Variants in ACACA observed in about 807,000 individuals in gnomAD.
The protein encoded by ACACA is acetyl-CoA carboxylase 1.
Under a neutral mutation model 296.1 loss-of-function variants are expected in ACACA, and 103 were observed. The observed-to-expected ratio is 0.35, with a 90% CI of 0.30 to 0.41. ACACA has a LOEUF of 0.41. Among genes scored for constraint, ACACA ranks in the 10% least tolerant of loss-of-function variants. The pLI is 1.00. For missense variants in ACACA, 1,554 were observed against 2,989.7 expected (o/e 0.52, Z 11.20); for synonymous variants, 953 against 1,038.6 (o/e 0.92, Z 1.58).
chr17:37,373,953 T>C (rs189864278), intron 1 of ACACA, among the ~76,000 whole-genome samples: 2 of 152,038 alleles, frequency 1.3e-5, no homozygotes, highest in Non-Finnish European at 1.5e-5. Context: ...GGCAAGAGGG[T>C]GGGGAGGATG....
intron 29 of ACACA, among the ~76,000 whole-genome samples, chr17:37,216,216 A>G (rs1361700621): frequency 2.7e-5 from 4 of 150,172 alleles, no homozygotes; most frequent in African/African-American, 7.4e-5. Context: ...GTGTATATAT[A>G]TATATATATA....
At chr17:37,125,293 C>T (rs2143173090) in intron 48 of ACACA, among the ~76,000 whole-genome samples, 1 of 151,888 alleles carries the variant, frequency 6.6e-6, no homozygotes, top group East Asian at 1.9e-4. Context: ...AATCTCGGTG[C>T]CACGAAGAAC....
rs1286415184 is a variant in ACACA at position 37,178,265 on chromosome 17, C to T, written c.5079+995G>A. On this transcript the variant is annotated intron_variant, in intron 41 of 55. Transcript: ENST00000616317. ...TTTATATCACTATTCATAGGTTACT[C>T]TGAGAGAAAGGATGCCAAGGCTAGA... is the stretch of plus-strand genomic sequence containing the variant. Among the ~76,000 whole-genome samples the T allele has an allele frequency of 2.0e-5, 3 of 152,220 alleles. No individual in the cohort carries two copies. In the East Asian group the frequency reaches 5.8e-4, roughly 29 times the overall value.
chr17:37,324,337 GC>G (rs1483206049), intron 3 of ACACA, among the ~76,000 whole-genome samples: 2 of 151,520 alleles, frequency 1.3e-5, no homozygotes, highest in African/African-American at 4.9e-5. Flanking sequence ...CTGCACTCTG[GC>G]CTGGGCAACA....
At chr17:37,171,236 C>A (rs1460294685) in intron 41 of ACACA, among the ~76,000 whole-genome samples, 1 of 152,054 alleles carries the variant, frequency 6.6e-6, no homozygotes, top group Non-Finnish European at 1.5e-5. Flanking sequence ...AGATGACTAC[C>A]CTGCAAGGCC....
intron 29 of ACACA, among the ~76,000 whole-genome samples, chr17:37,215,297 C>T (rs2078932098): frequency 6.6e-6 from 1 of 152,146 alleles, no homozygotes; most frequent in African/African-American, 2.4e-5. Context: ...CCAATAGGTC[C>T]TCACCCATTA....
chr17:37,219,451 G>T (rs2079180874), intron 29 of ACACA, among the ~76,000 whole-genome samples: 1 of 152,066 alleles, frequency 6.6e-6, no homozygotes, highest in Non-Finnish European at 1.5e-5. Context: ...TTTGTAGCCA[G>T]TTGGTCAGAA....
intron 11 of ACACA, among the ~76,000 whole-genome samples, chr17:37,260,921 G>T (rs957219024): frequency 2.0e-5 from 3 of 152,056 alleles, no homozygotes; most frequent in African/African-American, 7.2e-5. Context: ...TGTTATAGCA[G>T]TTTAACCTGT....
chr17:37,181,426 T>C, intron 39 of ACACA, 70 bp from the exon 40 acceptor site: 1 of 1,542,502 alleles, frequency 6.5e-7, no homozygotes, highest in Non-Finnish European at 8.9e-7. Flanking sequence ...TAGAGGGGCT[T>C]TTTTTGCACA....
intron 1 of ACACA, among the ~76,000 whole-genome samples, chr17:37,375,608 A>G (rs1175519073): frequency 6.6e-6 from 1 of 152,196 alleles, no homozygotes; most frequent in Non-Finnish European, 1.5e-5. Context: ...CTAGAACTCA[A>G]TTGTACTGAC....
chr17:37,288,850 A>G (rs1023353605), intron 3 of ACACA, among the ~76,000 whole-genome samples: 1 of 152,014 alleles, frequency 6.6e-6, no homozygotes, highest in African/African-American at 2.4e-5. Context: ...GTAAGCTATG[A>G]TCACACCACT....
chr17:37,102,228 G>A (rs532516157), intron 52 of ACACA, among the ~76,000 whole-genome samples: 3 of 129,318 alleles, frequency 2.3e-5, no homozygotes, highest in Admixed American at 9.2e-5. Flanking sequence ...TTTTTGAGAC[G>A]GAGTCTTGCT....
intron 29 of ACACA, among the ~76,000 whole-genome samples, chr17:37,220,740 CA>C (rs1310914247): frequency 6.6e-6 from 1 of 152,312 alleles, no homozygotes; most frequent in Admixed American, 6.5e-5. Context: ...TCTGCTGGAT[CA>C]ACAGTGGCAT....
At chr17:37,100,442 A>T (rs1275955304) in intron 52 of ACACA, among the ~76,000 whole-genome samples, 1 of 152,170 alleles carries the variant, frequency 6.6e-6, no homozygotes, top group East Asian at 1.9e-4. Flanking sequence ...CTGCCCAAAA[A>T]GCAGAATCGA....
intron 3 of ACACA, among the ~76,000 whole-genome samples, chr17:37,324,494 AC>A (rs1262877258): frequency 6.6e-6 from 1 of 150,766 alleles, no homozygotes; most frequent in African/African-American, 2.4e-5. Flanking sequence ...ACATGGAGAA[AC>A]CCCATCTCTA....
Position 37,253,016 on chromosome 17 carries a change from T to C in ACACA, c.1847A>G (p.Lys616Arg). ...AAAGTCACCCCGAATAGACAGCTCC[T>C]TCAAAGCCACCACCATGTTTCTGGG... ...EAISNMVVAL[K>R]ELSIRGDFRT... The change falls in exon 15 of 56, where the codon AAG (lysine) becomes AGG (arginine). Residue 616 changes from lysine (K) to arginine (R), a missense_variant. Coordinates refer to ENST00000616317, the MANE Select transcript of ACACA (RefSeq NM_198834.3). The C allele has an allele frequency of 6.2e-7, 1 of 1,614,212 alleles. No individual in the cohort carries two copies. The highest frequency in any genetic ancestry group is 8.5e-7 in the Non-Finnish European group (1 of 1,180,030).
At chr17:37,205,238 T>C (rs1444758593) in intron 33 of ACACA, among the ~76,000 whole-genome samples, 1 of 151,986 alleles carries the variant, frequency 6.6e-6, no homozygotes, top group Non-Finnish European at 1.5e-5. Context: ...AGTTGTGAGG[T>C]TTTTTGTTTT....
intron 2 of ACACA, among the ~76,000 whole-genome samples, chr17:37,338,522 C>G (rs1480743120): frequency 1.3e-5 from 2 of 150,950 alleles, no homozygotes; most frequent in Non-Finnish European, 2.9e-5. Context: ...CCGAGCGTGG[C>G]GCATGCCTGT....
intron 42 of ACACA, among the ~76,000 whole-genome samples, chr17:37,156,964 G>A (rs1196852141): frequency 6.6e-6 from 1 of 152,174 alleles, no homozygotes; most frequent in Non-Finnish European, 1.5e-5. Context: ...TGCCTATTAT[G>A]TACAAGGTAC....
Sources: gnomAD v4.1 joint callset for allele counts (sites outside exome capture counted in the v4.1 genomes callset) on GRCh38, gnomAD v4.1.1 for gene constraint, MANE v1.5 for transcripts, NCBI Gene and HGNC (gene_info 2026-07-23, HGNC 2026-07-21) for gene names.